RBFOX3: variants seen among roughly 807,000 people sequenced by gnomAD.
RBFOX3 encodes the protein RNA binding fox-1 homolog 3, also known as RNA binding protein fox-1 homolog 3.
RBFOX3 carries 17 observed loss-of-function variants against 48.7 expected under a neutral mutation model. The observed-to-expected ratio is 0.35, with a 90% CI of 0.24 to 0.52. The LOEUF is 0.52. Ranked by LOEUF, RBFOX3 falls within the 20% of genes least tolerant of loss-of-function variation. The pLI is 0.94. For missense variants in RBFOX3, 382 were observed against 497.5 expected, an observed-to-expected ratio of 0.77 and a Z score of 2.21; for synonymous variants, 212 against 209.5, an observed-to-expected ratio of 1.01 and a Z score of -0.10.
At chr17:79,286,876 C>T (rs2072038791) in intron 3 of RBFOX3, among the ~76,000 whole-genome samples, 1 of 152,206 alleles carries the variant, frequency 6.6e-6, no homozygotes. Flanking sequence ...CAGACACTGT[C>T]AGAAGCCTGG....
intron 1 of RBFOX3, among the ~76,000 whole-genome samples, chr17:79,550,936 C>T (rs965840228): frequency 0.041 from 6,257 of 152,302 alleles, 366 homozygotes; most frequent in African/African-American, 0.13. Context: ...ACATCAGTGC[C>T]ATCCAATAGA....
chr17:79,226,130 T>C (rs2060287539), intron 4 of RBFOX3, among the ~76,000 whole-genome samples: 1 of 152,186 alleles, frequency 6.6e-6, no homozygotes, highest in Non-Finnish European at 1.5e-5. Context: ...ATGGGATATG[T>C]CTAGCTATTT....
At chr17:79,561,344 G>T (rs886471768) in intron 1 of RBFOX3, among the ~76,000 whole-genome samples, 3 of 152,258 alleles carry the variant, frequency 2.0e-5, no homozygotes, top group Non-Finnish European at 1.5e-5. Context: ...CTTCCAGGAA[G>T]AAACGCTGGA....
At position 79,254,455 on chromosome 17, in the gene RBFOX3, A is replaced by G. The variant is rs972515212; in HGVS notation, c.-73-18650T>C. ...CCCAGCCTTGAGACCAACCAGCTGG[A>G]CTCTTGCACACTGACCTCTGAACAT... On this transcript the variant is annotated intron_variant, in intron 3 of 14. Coordinates refer to ENST00000693108, the MANE Select transcript of RBFOX3 (RefSeq NM_001350451.2). The surrounding 1 kb of genome is among the most constrained non-coding windows in gnomAD (Gnocchi z 4.8). 8.6e-5 allele frequency among the ~76,000 whole-genome samples: 13 copies of G among 151,260 alleles called. No homozygotes were observed. Among genetic ancestry groups the G allele is most frequent in the Non-Finnish European group, 1.6e-4 (11 of 67,858 alleles).
intron 2 of RBFOX3, among the ~76,000 whole-genome samples, chr17:79,427,662 G>A (rs1255785466): frequency 6.6e-6 from 1 of 152,254 alleles, no homozygotes; most frequent in African/African-American, 2.4e-5. Context: ...GGCCCCCGAA[G>A]AAGGATCCTG....
In RBFOX3 at chr17:79,418,247, T is replaced by C. The variant is rs1420209337; in HGVS notation, c.-175+64207A>G. ...CATATTTTACCACAACGACAAAAAG[T>C]TTTTTCCAATCGCAGGGATGTATGT... is the stretch of plus-strand genomic sequence containing the variant. On this transcript the variant is annotated intron_variant, in intron 2 of 14. Coordinates refer to ENST00000693108, the MANE Select transcript of RBFOX3 (RefSeq NM_001350451.2). This position sits in a 1 kb window ranked among gnomAD's most constrained non-coding sequence, Gnocchi z 5.0. Among the ~76,000 whole-genome samples the C allele has an allele frequency of 4.6e-5, 7 of 152,158 alleles. No homozygotes were observed. Among genetic ancestry groups the C allele is most frequent in the Non-Finnish European group, 1.0e-4 (7 of 68,032 alleles).
At chr17:79,336,389 A>AAAAT (rs71161661) in intron 2 of RBFOX3, among the ~76,000 whole-genome samples, 8,709 of 146,796 alleles carry the variant, frequency 0.059, 325 homozygotes, top group East Asian at 0.19. Context: ...TTCATCTCAA[A>AAAAT]AAATAAATAA....
At chr17:79,377,600 C>G (rs958526084) in intron 2 of RBFOX3, among the ~76,000 whole-genome samples, 2 of 152,204 alleles carry the variant, frequency 1.3e-5, no homozygotes, top group African/African-American at 4.8e-5. Flanking sequence ...TCAGGCGGTT[C>G]CACGGTGACA....
the RBFOX3 span, among the ~76,000 whole-genome samples, chr17:79,647,875 C>A: frequency 3.3e-5 from 5 of 152,136 alleles, no homozygotes; most frequent in Non-Finnish European, 5.9e-5. Flanking sequence ...ACAGAGCCCA[C>A]CTGGGGGTGG....
rs151231753 is a variant in RBFOX3, at chr17:79,349,486, C to A, written c.-174-41662G>T. Reference sequence around the variant, plus strand: ...TTCTCCCAACTCCTACTCACCCTCCCGGTCCCTATTGAAATTCTGCTTCTC... The same window carrying A: ...TTCTCCCAACTCCTACTCACCCTCCAGGTCCCTATTGAAATTCTGCTTCTC... On this transcript the variant is annotated intron_variant, in intron 2 of 14. Transcript: ENST00000693108. Among the ~76,000 whole-genome samples the A allele has an allele frequency of 2.0e-3, 311 of 152,204 alleles. 1 individual carries two copies. Among genetic ancestry groups the A allele is most frequent in the African/African-American group, 7.1e-3 (294 of 41,526 alleles).
intron 2 of RBFOX3, among the ~76,000 whole-genome samples, chr17:79,465,883 G>A (rs938545239): frequency 5.3e-5 from 8 of 152,134 alleles, no homozygotes; most frequent in Non-Finnish European, 8.8e-5. Flanking sequence ...TTCTCTCTAC[G>A]CCTCCACAAA....
At chr17:79,247,216 T>C (rs9901844) in intron 3 of RBFOX3, among the ~76,000 whole-genome samples, 148,052 of 152,198 alleles carry the variant, frequency 0.97, 72,148 homozygotes, top group Middle Eastern at 1. Context: ...TAAAAATGCC[T>C]AGGATGAAAG....
chr17:79,270,776 C>T (rs1231823446), intron 3 of RBFOX3, among the ~76,000 whole-genome samples: 1 of 152,248 alleles, frequency 6.6e-6, no homozygotes, highest in African/African-American at 2.4e-5. Flanking sequence ...CTTTAATCCA[C>T]AAACACACAG....
chr17:79,404,447 T>C (rs2063285560), intron 2 of RBFOX3, among the ~76,000 whole-genome samples: 1 of 152,244 alleles, frequency 6.6e-6, no homozygotes, highest in Non-Finnish European at 1.5e-5. Flanking sequence ...CCCACTCTGC[T>C]GCAAAGCCCT....
rs369011047 is a variant in RBFOX3, at chr17:79,328,139, G to C, written c.-174-20315C>G. Among the ~76,000 whole-genome samples the C allele has an allele frequency of 2.0e-5, 3 of 152,354 alleles. No individual in the cohort carries two copies. In the East Asian group the frequency reaches 5.8e-4, roughly 29 times the overall value. ...GAAGGAGAGTGGGAGGGCAGAGCCC[G>C]TGGGTGCAAACACGGGCAGGACTCA... On this transcript the variant is annotated intron_variant, in intron 2 of 14. Coordinates refer to ENST00000693108, the MANE Select transcript of RBFOX3 (RefSeq NM_001350451.2).
In RBFOX3 at chr17:79,362,881, T is replaced by A. The variant is rs1443799072; in HGVS notation, c.-174-55057A>T. 1.3e-5 allele frequency among the ~76,000 whole-genome samples: 2 copies of A among 152,150 alleles called. No homozygotes were observed. The highest frequency in any genetic ancestry group is 3.9e-4 in the East Asian group (2 of 5,188). ...TGTGCAGACCTCATTCTCGGACACT[T>A]CGAGGCCACACAGGTGTGAGAGGTC... On this transcript the variant is annotated intron_variant, in intron 2 of 14. Coordinates refer to ENST00000693108, the MANE Select transcript of RBFOX3 (RefSeq NM_001350451.2). The surrounding 1 kb of genome is among the most constrained non-coding windows in gnomAD (Gnocchi z 4.2).
Position 79,598,308 on chromosome 17 carries a change from ACGTGCACACATGCACACACACG to A in RBFOX3, c.-320+12496_-320+12517del. ...TGACCGTGCACATGCACACATGCAC[ACGTGCACACATGCACACACACG>A]CTCATGCACATGCACACACATACAT... is the stretch of plus-strand genomic sequence containing the variant. On this transcript the variant is annotated intron_variant, in intron 1 of 14. Coordinates refer to ENST00000693108, the MANE Select transcript of RBFOX3 (RefSeq NM_001350451.2). 1.3e-5 allele frequency: 2 copies of A among 152,528 alleles called. 1 individual carries two copies. Among genetic ancestry groups the A allele is most frequent in the South Asian group, 4.1e-4 (2 of 4,836 alleles). The allele number at this position is 152,528 out of a possible 1,614,324, so 9.4% of individuals were successfully genotyped here.
At chr17:79,332,627 AAGAGAGACAGAGATGGAGAC>A (rs939951988) in intron 2 of RBFOX3, among the ~76,000 whole-genome samples, 7 of 151,966 alleles carry the variant, frequency 4.6e-5, no homozygotes, top group African/African-American at 1.7e-4. Context: ...CAGAGAGACA[AAGAGAGACAGAGATGGAGAC>A]AGAGAGACAA....
chr17:79,545,524 G>T (rs2090306766), intron 1 of RBFOX3, among the ~76,000 whole-genome samples: 1 of 152,238 alleles, frequency 6.6e-6, no homozygotes, highest in African/African-American at 2.4e-5. Flanking sequence ...GGCCCAGAGG[G>T]AGCGGAGGTC....
Sources: allele counts gnomAD v4.1 joint callset (sites outside exome capture counted in the v4.1 genomes callset), GRCh38; gene constraint gnomAD v4.1.1; non-coding constraint Gnocchi (gnomAD v3.1); transcripts MANE v1.5; gene names NCBI Gene and HGNC (gene_info 2026-07-23, HGNC 2026-07-21).